The following YEATS4 variants were observed in gnomAD, a reference collection of about 807,000 sequenced individuals.
YEATS4 encodes YEATS domain containing 4.
In YEATS4, 17 loss-of-function variants were observed where a neutral mutation model predicts 30.1. The observed-to-expected ratio is 0.56, with a 90% CI of 0.39 to 0.85. The LOEUF (loss-of-function observed/expected upper bound fraction) is 0.85, where lower values mean the gene tolerates loss of function less well. Ranked by LOEUF, YEATS4 falls within the 40% of genes least tolerant of loss-of-function variation. The pLI is 0.00. For synonymous variants in YEATS4, 85 were observed against 87.5 expected, an observed-to-expected ratio of 0.97 and a Z score of 0.16; for missense variants, 142 against 268.3, an observed-to-expected ratio of 0.53 and a Z score of 3.29.
intron 4 of YEATS4, among the ~76,000 whole-genome samples, chr12:69,366,807 A>T (rs1049995116): frequency 2.6e-5 from 4 of 152,256 alleles, no homozygotes; most frequent in African/African-American, 9.6e-5. Flanking sequence ...GGAGCTGAAT[A>T]TCACCTGGAC....
the YEATS4 span, among the ~76,000 whole-genome samples, chr12:69,404,920 C>A: frequency 0.011 from 1,641 of 152,294 alleles, 20 homozygotes; most frequent in Non-Finnish European, 0.017. Context: ...ACTGCTAATT[C>A]TTGAACTAGA....
the YEATS4 span, among the ~76,000 whole-genome samples, chr12:69,424,838 AC>A: frequency 6.6e-6 from 1 of 152,096 alleles, no homozygotes; most frequent in South Asian, 2.1e-4. Context: ...TTTATAAATT[AC>A]CCAGTCTCAG....
the YEATS4 span, among the ~76,000 whole-genome samples, chr12:69,399,767 G>A: frequency 1.4e-4 from 21 of 152,176 alleles, no homozygotes; most frequent in African/African-American, 3.4e-4. Context: ...TGAATAAATC[G>A]AATGTGGTGT....
the YEATS4 span, among the ~76,000 whole-genome samples, chr12:69,403,542 A>G: frequency 6.7e-6 from 1 of 149,052 alleles, no homozygotes; most frequent in African/African-American, 2.5e-5. Context: ...GTGCCACTGC[A>G]CTCCAGCCTA....
chr12:69,359,835 C>T lies in YEATS4; in HGVS notation c.-138C>T, dbSNP rs566062553. On this transcript the variant is annotated 5_prime_UTR_variant, in exon 1 of 7. Transcript: ENST00000247843. The stretch of plus-strand genomic sequence containing the variant: ...GTTGACGGTTACTCACCGCCGTGAG[C>T]CCAAGTAACTCGCCCTCCTTCGGCT... The T allele has an allele frequency of 4.0e-5, 41 of 1,014,622 alleles. No individual in the cohort carries two copies. Among genetic ancestry groups the T allele is most frequent in the Admixed American group, 1.2e-4 (5 of 40,070 alleles). The allele number at this position is 1,014,622 out of a possible 1,614,324, so 62.9% of individuals were successfully genotyped here. A position where few individuals can be genotyped will look rare whatever the true frequency, so the allele number is the denominator to read the frequency against.
the YEATS4 span, among the ~76,000 whole-genome samples, chr12:69,412,163 T>C: frequency 6.6e-6 from 1 of 152,182 alleles, no homozygotes. Flanking sequence ...CAAATATTTA[T>C]AGCCACTATG....
At chr12:69,384,896 T>C (rs1565681731) in intron 6 of YEATS4, among the ~76,000 whole-genome samples, 3 of 152,136 alleles carry the variant, frequency 2.0e-5, no homozygotes, top group South Asian at 4.1e-4. Context: ...GACAGACAGA[T>C]AGAATAAGAG....
the YEATS4 span, among the ~76,000 whole-genome samples, chr12:69,414,797 G>A: frequency 6.6e-6 from 1 of 152,224 alleles, no homozygotes; most frequent in Non-Finnish European, 1.5e-5. Context: ...AAGCCAGATG[G>A]ATTTGAGATT....
chr12:69,360,995 C>G (rs1875179641), intron 1 of YEATS4, among the ~76,000 whole-genome samples: 1 of 151,514 alleles, frequency 6.6e-6, no homozygotes, highest in South Asian at 2.1e-4. Context: ...ATCAGAAGTT[C>G]AAGACCAGGC....
chr12:69,374,209 T>C (rs1462731036), intron 6 of YEATS4, among the ~76,000 whole-genome samples: 1 of 152,008 alleles, frequency 6.6e-6, no homozygotes, highest in African/African-American at 2.4e-5. Flanking sequence ...AATCTGTAGA[T>C]TGCTTTGGGA....
At chr12:69,365,093 G>A (rs1412550075) in intron 2 of YEATS4, among the ~76,000 whole-genome samples, 1 of 152,026 alleles carries the variant, frequency 6.6e-6, no homozygotes, top group East Asian at 1.9e-4. Context: ...TTTGGGACGT[G>A]TATTTCTATA....
intron 6 of YEATS4, among the ~76,000 whole-genome samples, chr12:69,372,257 T>TA (rs1307171493): frequency 6.6e-6 from 1 of 152,204 alleles, no homozygotes; most frequent in Non-Finnish European, 1.5e-5. Context: ...GATATTTTGA[T>TA]ACAGGCATAC....
chr12:69,368,294 G>C (rs1354664660), intron 4 of YEATS4, among the ~76,000 whole-genome samples: 1 of 152,082 alleles, frequency 6.6e-6, no homozygotes, highest in Non-Finnish European at 1.5e-5. Context: ...TAAAAAGAAT[G>C]GTTGTTTCTA....
chr12:69,405,933 G>A, the YEATS4 span, among the ~76,000 whole-genome samples: 3 of 152,180 alleles, frequency 2.0e-5, no homozygotes, highest in Non-Finnish European at 2.9e-5. Context: ...TTCCTGGCTG[G>A]ATCTTGACTG....
At chr12:69,418,826 G>A in the YEATS4 span, among the ~76,000 whole-genome samples, 1 of 151,980 alleles carries the variant, frequency 6.6e-6, no homozygotes, top group Non-Finnish European at 1.5e-5. Flanking sequence ...GTGCATACAT[G>A]TAGTCCTAAT....
rs544191750 is a variant in YEATS4, at chr12:69,359,886, G to T, written c.-87G>T. The T allele has an allele frequency of 4.4e-4, 677 of 1,547,068 alleles. 3 individuals carry two copies. The highest frequency in any genetic ancestry group is 5.6e-4 in the Non-Finnish European group (630 of 1,131,328). On this transcript the variant is annotated 5_prime_UTR_variant, in exon 1 of 7. Transcript: ENST00000247843. ...AGAAACCCTCCGCCTGGGCCCGCGC[G>T]ACAGGAGCGCGGTCTCTGAGGGGAG...
intron 4 of YEATS4, among the ~76,000 whole-genome samples, chr12:69,369,694 A>T (rs1199977521): frequency 6.6e-6 from 1 of 152,116 alleles, no homozygotes; most frequent in African/African-American, 2.4e-5. Flanking sequence ...AAATTTGTTA[A>T]ATTATTTGCT....
chr12:69,364,103 G>C, intron 2 of YEATS4: 1 of 421,096 alleles, frequency 2.4e-6, no homozygotes, highest in South Asian at 1.7e-5. Flanking sequence ...GCTTTCTTTT[G>C]TGTGATAAAA....
the YEATS4 span, among the ~76,000 whole-genome samples, chr12:69,413,014 C>A: frequency 8.5e-5 from 13 of 152,206 alleles, no homozygotes; most frequent in East Asian, 1.9e-4. Context: ...AGAAAAAAAA[C>A]CCCAGATGTT....
Sources: gnomAD v4.1 joint callset for allele counts (sites outside exome capture counted in the v4.1 genomes callset) on GRCh38, gnomAD v4.1.1 for gene constraint, MANE v1.5 for transcripts, NCBI Gene and HGNC (gene_info 2026-07-23, HGNC 2026-07-21) for gene names.